Variants in RBPMS observed in about 807,000 individuals in gnomAD.
The protein encoded by RBPMS is RNA binding protein, mRNA processing factor.
RBPMS carries 7 observed loss-of-function variants against 26.8 expected under a neutral mutation model. The observed-to-expected ratio is 0.26, with a 90% CI of 0.15 to 0.49. The LOEUF (loss-of-function observed/expected upper bound fraction) is 0.49. Among genes scored for constraint, RBPMS ranks in the 20% least tolerant of loss-of-function variants. The probability of loss-of-function intolerance (pLI) is 0.98; values close to 1 mark genes in which losing one functional copy is unlikely to be tolerated. For synonymous variants in RBPMS, 96 were observed against 93.3 expected, an observed-to-expected ratio of 1.03 and a Z score of -0.17; for missense variants, 186 against 250.0, an observed-to-expected ratio of 0.74 and a Z score of 1.73.
chr8:30,455,140 A>G (rs923793901), intron 1 of RBPMS, among the ~76,000 whole-genome samples: 3 of 152,192 alleles, frequency 2.0e-5, no homozygotes, highest in Admixed American at 6.5e-5. Flanking sequence ...CTTGTATTTT[A>G]TAAATCATTT....
chr8:30,489,392 G>T (rs1819133003), intron 4 of RBPMS, among the ~76,000 whole-genome samples: 5 of 152,164 alleles, frequency 3.3e-5, no homozygotes, highest in Admixed American at 3.3e-4. Flanking sequence ...TGGTAAAAAT[G>T]CTGTTAATTA....
At chr8:30,465,832 T>C (rs1816435795) in intron 1 of RBPMS, among the ~76,000 whole-genome samples, 1 of 152,146 alleles carries the variant, frequency 6.6e-6, no homozygotes, top group Admixed American at 6.5e-5. Context: ...TTAGGAAACA[T>C]TCTGATTAGA....
intron 5 of RBPMS, among the ~76,000 whole-genome samples, chr8:30,507,508 A>G (rs750496198): frequency 1.3e-5 from 2 of 152,172 alleles, no homozygotes; most frequent in African/African-American, 2.4e-5. Flanking sequence ...AGTGTAGCCA[A>G]TTGTCTTTGC....
At chr8:30,547,793 G>A (rs576294525) in intron 6 of RBPMS, among the ~76,000 whole-genome samples, 3 of 152,330 alleles carry the variant, frequency 2.0e-5, no homozygotes, top group East Asian at 1.9e-4. Flanking sequence ...GGGATGCTGC[G>A]TCTAGCTAGG....
chr8:30,502,781 C>T (rs538358579), intron 4 of RBPMS, among the ~76,000 whole-genome samples: 1 of 152,294 alleles, frequency 6.6e-6, no homozygotes, highest in East Asian at 1.9e-4. Context: ...CTCACCCCAG[C>T]CTGCTTCAGA....
chr8:30,542,694 C>A (rs1825506369), intron 5 of RBPMS, among the ~76,000 whole-genome samples: 2 of 152,236 alleles, frequency 1.3e-5, no homozygotes. Flanking sequence ...AATAGTTTGG[C>A]ATTCCTGAGA....
At chr8:30,542,509 C>CA (rs1825487368) in intron 5 of RBPMS, among the ~76,000 whole-genome samples, 1 of 152,238 alleles carries the variant, frequency 6.6e-6, no homozygotes, top group South Asian at 2.1e-4. Context: ...GGACCACTGA[C>CA]AGGCTGCAGG....
chr8:30,505,244 G>C (rs1359944692), intron 5 of RBPMS, among the ~76,000 whole-genome samples: 3 of 152,188 alleles, frequency 2.0e-5, no homozygotes, highest in East Asian at 1.9e-4. Flanking sequence ...GGAAACCCAA[G>C]TGACTTGGAT....
chr8:30,527,992 A>G (rs1427370670), intron 5 of RBPMS, among the ~76,000 whole-genome samples: 2 of 152,124 alleles, frequency 1.3e-5, no homozygotes, highest in Non-Finnish European at 2.9e-5. Context: ...CCTGGTCAAC[A>G]TGGTGAAACC....
At chr8:30,408,170 C>T (rs553417072) in intron 1 of RBPMS, among the ~76,000 whole-genome samples, 11 of 152,244 alleles carry the variant, frequency 7.2e-5, no homozygotes, top group Non-Finnish European at 1.5e-4. Context: ...AGTTAGACCC[C>T]CAGAACCTCA....
At chr8:30,549,750 CCTTTTCTTTT>C (rs796809216) in intron 6 of RBPMS, among the ~76,000 whole-genome samples, 20 of 76,258 alleles carry the variant, frequency 2.6e-4, no homozygotes, top group African/African-American at 1.0e-3. Context: ...TTCTTTCTTT[CCTTTTCTTTT>C]CTTTTCTTTT....
rs147454563 is a variant in RBPMS at position 30,446,353 on chromosome 8, G to A, written c.67-28426G>A. ...GAAGGCCAGCAATCAGGGTGAGGCT[G>A]TTCTGTTTCAAACTTGACACTCAAA... On this transcript the variant is annotated intron_variant, in intron 1 of 8. Transcript: ENST00000397323. 8.5e-5 allele frequency among the ~76,000 whole-genome samples: 13 copies of A among 152,266 alleles called. No homozygotes were observed. In the East Asian group the frequency reaches 2.5e-3, roughly 29 times the overall value.
rs1828242875 is a variant in RBPMS at position 30,571,310 on chromosome 8, A to G, written c.*785A>G. The G allele has an allele frequency of 6.6e-6, 1 of 152,216 alleles. No homozygotes were observed. Among genetic ancestry groups the G allele is most frequent in the Admixed American group, 6.5e-5 (1 of 15,284 alleles). The allele number at this position is 152,216 out of a possible 1,614,324, so 9.4% of individuals were successfully genotyped here. A position where few individuals can be genotyped will look rare whatever the true frequency, so the allele number is the denominator to read the frequency against. On this transcript the variant is annotated 3_prime_UTR_variant, in exon 9 of 9. Transcript: ENST00000397323. ...AGCCCTAGTAGCTCCAGCTGTGACTATATCAACTGTGTGCCAAGTGTGACT... is the reference window on the plus strand; with the variant it reads ...AGCCCTAGTAGCTCCAGCTGTGACTGTATCAACTGTGTGCCAAGTGTGACT...
At chr8:30,519,456 CTCTTTTTTTTTTTTTTTTTTTTTTTTTTT>C (rs1471778853) in intron 5 of RBPMS, among the ~76,000 whole-genome samples, 1 of 116,492 alleles carries the variant, frequency 8.6e-6, no homozygotes, top group Admixed American at 8.7e-5. Context: ...GAGGATCTCT[CTCTTTTTTTTTTTTTTTTTTTTTTTTTTT>C]TTTTTTTTTT....
intron 4 of RBPMS, among the ~76,000 whole-genome samples, chr8:30,497,447 G>C (rs910236333): frequency 6.6e-6 from 1 of 152,082 alleles, no homozygotes; most frequent in African/African-American, 2.4e-5. Context: ...GGGAGGCTGA[G>C]GCATGAGAAT....
chr8:30,468,850 T>G (rs1398098071), intron 1 of RBPMS, among the ~76,000 whole-genome samples: 1 of 152,108 alleles, frequency 6.6e-6, no homozygotes, highest in African/African-American at 2.4e-5. Context: ...TATGGGTAGA[T>G]AGAGAGAGAG....
intron 1 of RBPMS, among the ~76,000 whole-genome samples, chr8:30,462,436 T>G (rs1274882694): frequency 6.6e-6 from 1 of 152,138 alleles, no homozygotes; most frequent in East Asian, 1.9e-4. Context: ...GTTTGTTTGT[T>G]TTTTGGAGAC....
At chr8:30,433,700 A>G (rs1812167606) in intron 1 of RBPMS, among the ~76,000 whole-genome samples, 1 of 152,108 alleles carries the variant, frequency 6.6e-6, no homozygotes, top group African/African-American at 2.4e-5. Context: ...AAGAGGGTGA[A>G]TTCTACCTAC....
At chr8:30,516,891 TC>T (rs1347917543) in intron 5 of RBPMS, among the ~76,000 whole-genome samples, 3 of 103,832 alleles carry the variant, frequency 2.9e-5, no homozygotes, top group African/African-American at 9.3e-5. Context: ...ATAGCTTGAC[TC>T]CATCTCTAAA....
Sources: gnomAD v4.1 joint callset for allele counts (sites outside exome capture counted in the v4.1 genomes callset) on GRCh38, gnomAD v4.1.1 for gene constraint, MANE v1.5 for transcripts, NCBI Gene and HGNC (gene_info 2026-07-23, HGNC 2026-07-21) for gene names.